Variants in TCF12 observed in about 807,000 individuals in gnomAD.
TCF12 encodes the protein transcription factor 12.
Under a neutral mutation model 86.0 loss-of-function variants are expected in TCF12, and 45 were observed. The ratio of observed to expected loss-of-function variants is 0.52; its 90% CI spans 0.41 to 0.67. TCF12 has a LOEUF of 0.67. Ranked by LOEUF, TCF12 falls within the 30% of genes least tolerant of loss-of-function variation. The pLI is 0.00. For synonymous variants in TCF12, 330 were observed against 299.6 expected (o/e 1.10, Z -1.05); for missense variants, 881 against 859.9 (o/e 1.02, Z -0.31).
rs1248684058 is a variant in TCF12, at chr15:57,223,654, T to TTTGTTTTTGTTTTG, written c.580-7496_580-7495insGTTTTTGTTTTGTT. On this transcript the variant is annotated intron_variant, in intron 8 of 20. Transcript: ENST00000333725. ...TGCCTACCAATGAGGTTTTTTTTTTTTTTTTTTTTTTTTTTTTAGAAATAG... is the reference window on the plus strand; with the variant it reads ...TGCCTACCAATGAGGTTTTTTTTTTTTTGTTTTTGTTTTGTTTTTTTTTTTTTTTTTAGAAATAG... Among the ~76,000 whole-genome samples the TTTGTTTTTGTTTTG allele has an allele frequency of 1.4e-4, 18 of 129,964 alleles. 1 individual carries two copies. The highest frequency in any genetic ancestry group is 2.3e-4 in the Non-Finnish European group (14 of 60,056). 85.3% of individuals were successfully genotyped at this position (129,964 alleles called of 152,430 possible).
intron 3 of TCF12, among the ~76,000 whole-genome samples, chr15:57,044,422 C>A (rs1351983471): frequency 6.6e-6 from 1 of 152,024 alleles, no homozygotes; most frequent in Admixed American, 6.6e-5. Flanking sequence ...CCTGTGGATT[C>A]TTTAAGTGAA....
intron 3 of TCF12, among the ~76,000 whole-genome samples, chr15:56,971,267 CA>C (rs1186816588): frequency 3.2e-4 from 46 of 141,902 alleles, no homozygotes; most frequent in Middle Eastern, 3.5e-3. Flanking sequence ...CCACTAAAAA[CA>C]AAAAAAAAAA....
At chr15:57,196,349 A>G (rs1338057448) in intron 7 of TCF12, among the ~76,000 whole-genome samples, 1 of 152,258 alleles carries the variant, frequency 6.6e-6, no homozygotes, top group Admixed American at 6.5e-5. Context: ...CATAGGTTAT[A>G]TGCAAATACT....
In TCF12 at chr15:57,197,832, A is replaced by G. The variant is rs773353379; in HGVS notation, c.579+7A>G. 6 of 1,613,696 alleles carry G rather than the reference A, an allele frequency of 3.7e-6. No homozygotes were observed. In the African/African-American group the frequency reaches 5.3e-5, roughly 14 times the overall value. Reference sequence around the variant, plus strand: ...TCCTGGTTTGCCTTCTTCTGTAAGTACCTATCTTTTTTTAACTTGATGGTA... The same window carrying G: ...TCCTGGTTTGCCTTCTTCTGTAAGTGCCTATCTTTTTTTAACTTGATGGTA... On this transcript the variant is annotated splice_region_variant and intron_variant, in intron 8 of 20. Transcript: ENST00000333725.
intron 6 of TCF12, among the ~76,000 whole-genome samples, chr15:57,184,515 A>G (rs1433916947): frequency 1.3e-5 from 2 of 152,152 alleles, no homozygotes; most frequent in Non-Finnish European, 2.9e-5. Flanking sequence ...CTTCCCCATG[A>G]GAAAATGCAG....
chr15:56,971,088 C>G (rs959265480), intron 3 of TCF12, among the ~76,000 whole-genome samples: 1 of 151,982 alleles, frequency 6.6e-6, no homozygotes, highest in Non-Finnish European at 1.5e-5. Context: ...AAACATTTAT[C>G]ACAGAAATAA....
chr15:57,186,815 G>T (rs771516796), intron 6 of TCF12, among the ~76,000 whole-genome samples: 1 of 152,086 alleles, frequency 6.6e-6, no homozygotes, highest in Non-Finnish European at 1.5e-5. Context: ...TGAAAATTAG[G>T]CTGTGTAATT....
At chr15:56,971,491 G>A (rs2031170246) in intron 3 of TCF12, among the ~76,000 whole-genome samples, 1 of 152,120 alleles carries the variant, frequency 6.6e-6, no homozygotes, top group Admixed American at 6.5e-5. Context: ...ATAGGTCAAA[G>A]TTATGGACAG....
Position 57,192,248 on chromosome 15 carries a change from G to A in TCF12, c.481G>A (p.Ala161Thr), listed in dbSNP as rs767396706. ...TGGGACAGCATACTATTCATTCTCTGCTACAAGTTCCAGGAGGAGACCACT... is the reference window on the plus strand; with the variant it reads ...TGGGACAGCATACTATTCATTCTCTACTACAAGTTCCAGGAGGAGACCACT... ...KPGTAYYSFS[A>T]TSSRRRPLHD... is the part of the protein sequence containing the mutation. Residue 161 changes from alanine to threonine, a missense_variant, in exon 7 of 21, where the codon GCT becomes ACT. This residue lies in a region of TCF12 where 766 missense variants were observed against 718.9 expected (regional missense o/e 1.07). Coordinates refer to ENST00000333725, the MANE Select transcript of TCF12 (RefSeq NM_207037.2). The A allele has an allele frequency of 3.1e-6, 5 of 1,613,988 alleles. No individual in the cohort carries two copies. The South Asian group carries it at 5.5e-5, about 18-fold the overall frequency.
At chr15:57,157,729 A>ATTTTTTTTTTTTTTTTTT in intron 5 of TCF12, among the ~76,000 whole-genome samples, 1 of 151,646 alleles carries the variant, frequency 6.6e-6, no homozygotes, top group African/African-American at 2.4e-5. Flanking sequence ...CACCGAGCTA[A>ATTTTTTTTTTTTTTTTTT]TTTTTGTATT....
chr15:57,246,555 T>C (rs1295569007), intron 13 of TCF12, among the ~76,000 whole-genome samples: 1 of 151,664 alleles, frequency 6.6e-6, no homozygotes, highest in African/African-American at 2.4e-5. Flanking sequence ...CTCCAGTAGA[T>C]GAAAAAAGAC....
At chr15:57,167,131 T>C (rs1358739941) in intron 6 of TCF12, among the ~76,000 whole-genome samples, 2 of 152,210 alleles carry the variant, frequency 1.3e-5, no homozygotes, top group Non-Finnish European at 2.9e-5. Flanking sequence ...CCACCCTAAT[T>C]TCAGGCATGG....
chr15:56,956,866 C>G (rs531251517), intron 3 of TCF12, among the ~76,000 whole-genome samples: 1 of 151,444 alleles, frequency 6.6e-6, no homozygotes, highest in Non-Finnish European at 1.5e-5. Flanking sequence ...TTTCATGTTT[C>G]TTTTGCTTGG....
chr15:57,267,776 T>TTAA (rs2060937812), intron 18 of TCF12, among the ~76,000 whole-genome samples: 1 of 152,184 alleles, frequency 6.6e-6, no homozygotes, highest in South Asian at 2.1e-4. Flanking sequence ...AATGAATAGG[T>TTAA]TAATAACATG....
intron 3 of TCF12, among the ~76,000 whole-genome samples, chr15:56,992,174 G>T (rs28654848): frequency 0.24 from 37,137 of 151,870 alleles, 5,327 homozygotes; most frequent in East Asian, 0.4. Context: ...AGGAGGCTGA[G>T]GTGGGAGGAT....
chr15:57,227,138 A>G (rs920415048), intron 8 of TCF12, among the ~76,000 whole-genome samples: 1 of 152,154 alleles, frequency 6.6e-6, no homozygotes, highest in African/African-American at 2.4e-5. Flanking sequence ...TTTTTAAAGT[A>G]TGGATAATCA....
rs75626980 is a variant in TCF12 at position 57,003,486 on chromosome 15, A to G, written c.149-60264A>G. On this transcript the variant is annotated intron_variant, in intron 3 of 20. Transcript: ENST00000333725. ...TTGTAGGTTTCTTGTGCTTGAGAAC[A>G]CTAGGCAGCACTTACAATGACTTGG... Among the ~76,000 whole-genome samples the G allele has an allele frequency of 3.3e-3, 503 of 152,316 alleles. 5 individuals are homozygous for G. The highest frequency in any genetic ancestry group is 0.031 in the South Asian group (149 of 4,826).
At chr15:56,971,932 C>G (rs1235751183) in intron 3 of TCF12, among the ~76,000 whole-genome samples, 2 of 152,002 alleles carry the variant, frequency 1.3e-5, no homozygotes, top group Non-Finnish European at 2.9e-5. Flanking sequence ...GGTATGACCA[C>G]TAGGGATATG....
At chr15:57,124,435 C>T (rs2051480350) in intron 5 of TCF12, among the ~76,000 whole-genome samples, 3 of 152,116 alleles carry the variant, frequency 2.0e-5, no homozygotes, top group Non-Finnish European at 2.9e-5. Context: ...ATTCTGGGCA[C>T]TCTGGTTGAC....
Sources: gnomAD v4.1 joint callset for allele counts (sites outside exome capture counted in the v4.1 genomes callset) on GRCh38, gnomAD v4.1.1 for gene constraint, gnomAD v4.1.1 regional missense constraint, MANE v1.5 for transcripts, NCBI Gene and HGNC (gene_info 2026-07-23, HGNC 2026-07-21) for gene names.